Variants in MKRN1 observed in about 807,000 individuals in gnomAD.
MKRN1 encodes the protein makorin ring finger protein 1, also known as E3 ubiquitin-protein ligase makorin-1.
MKRN1 carries 9 observed loss-of-function variants against 55.5 expected under a neutral mutation model. That is an observed-to-expected ratio of 0.16 (90% CI 0.10 to 0.28). The LOEUF (loss-of-function observed/expected upper bound fraction) is 0.28, where lower values mean the gene tolerates loss of function less well. Ranked by LOEUF, MKRN1 falls within the 10% of genes least tolerant of loss-of-function variation. The pLI is 1.00. For missense variants in MKRN1, 488 were observed against 626.7 expected, an observed-to-expected ratio of 0.78 and a Z score of 2.36; for synonymous variants, 253 against 235.9, an observed-to-expected ratio of 1.07 and a Z score of -0.66.
rs1454423697 is a variant in MKRN1 at position 140,462,780 on chromosome 7, C to G, written c.315-2844G>C. ...GAGATCGAGACCATCCTGGCTAACA[C>G]GGTGAAACCCCGTCTCTACTAAAAA... is the stretch of plus-strand genomic sequence containing the variant. On this transcript the variant is annotated intron_variant, in intron 2 of 7. Coordinates refer to ENST00000255977, the MANE Select transcript of MKRN1 (RefSeq NM_013446.4). Among the ~76,000 whole-genome samples, 4 of 151,920 alleles carry G rather than the reference C, an allele frequency of 2.6e-5. No homozygotes were observed. The East Asian group carries it at 7.7e-4, about 29-fold the overall frequency.
chr7:140,471,808 T>C (rs1794934667), intron 2 of MKRN1, 75 bp downstream of exon 2: 1 of 1,553,958 alleles, frequency 6.4e-7, no homozygotes, highest in Non-Finnish European at 8.7e-7. Context: ...CAGTGACATA[T>C]AAAGCTATCA....
intron 5 of MKRN1, chr7:140,456,245 T>C: frequency 8.7e-7 from 1 of 1,150,252 alleles, no homozygotes; most frequent in East Asian, 5.3e-5. Context: ...GATTATGTGG[T>C]TTTTGTTCAG....
At chr7:140,469,866 G>T (rs1296380411) in intron 2 of MKRN1, among the ~76,000 whole-genome samples, 1 of 151,994 alleles carries the variant, frequency 6.6e-6, no homozygotes, top group Non-Finnish European at 1.5e-5. Flanking sequence ...CTTTCAACAA[G>T]GTGAAACCCC....
chr7:140,470,858 A>G (rs1380352325), intron 2 of MKRN1, among the ~76,000 whole-genome samples: 2 of 152,080 alleles, frequency 1.3e-5, no homozygotes, highest in Non-Finnish European at 2.9e-5. Context: ...CAGAGGTTGC[A>G]GTGAGCCGAG....
chr7:140,472,825 GA>G (rs915032228), intron 1 of MKRN1, among the ~76,000 whole-genome samples: 41 of 148,974 alleles, frequency 2.8e-4, no homozygotes, highest in African/African-American at 9.1e-4. Flanking sequence ...ATAACAAAAA[GA>G]AAAAAAAAGG....
intron 4 of MKRN1, among the ~76,000 whole-genome samples, 161 bp downstream of exon 4, chr7:140,458,846 T>C (rs1198698984): frequency 1.3e-5 from 2 of 152,170 alleles, no homozygotes; most frequent in Non-Finnish European, 1.5e-5. Context: ...AAATATGACT[T>C]CTTGATAAAG....
chr7:140,458,478 G>A (rs912230500), intron 4 of MKRN1, among the ~76,000 whole-genome samples: 3 of 152,164 alleles, frequency 2.0e-5, no homozygotes, highest in Admixed American at 6.5e-5. Flanking sequence ...AAGCAGATTC[G>A]TTATTGCCAG....
intron 2 of MKRN1, among the ~76,000 whole-genome samples, chr7:140,461,507 C>G (rs1794614127): frequency 6.6e-6 from 1 of 152,012 alleles, no homozygotes; most frequent in African/African-American, 2.4e-5. Context: ...GTGGCGCACA[C>G]CTGTAATACC....
At chr7:140,462,691 G>A (rs562992317) in intron 2 of MKRN1, among the ~76,000 whole-genome samples, 2 of 152,244 alleles carry the variant, frequency 1.3e-5, no homozygotes, top group African/African-American at 4.8e-5. Flanking sequence ...TAGGCAGGGC[G>A]CAGTGGCTCA....
At chr7:140,476,061 A>G (rs1795107476) in intron 1 of MKRN1, among the ~76,000 whole-genome samples, 1 of 152,224 alleles carries the variant, frequency 6.6e-6, no homozygotes, top group African/African-American at 2.4e-5. Context: ...AATTAAAAAC[A>G]TTCTAATCAA....
intron 1 of MKRN1, chr7:140,478,342 T>C (rs886948780): frequency 1.3e-5 from 2 of 152,058 alleles, no homozygotes; most frequent in Admixed American, 6.5e-5. Context: ...TTAATTTTTC[T>C]AATATTTTCG....
intron 2 of MKRN1, among the ~76,000 whole-genome samples, chr7:140,467,792 C>T (rs894944740): frequency 1.3e-5 from 2 of 151,760 alleles, no homozygotes; most frequent in African/African-American, 4.8e-5. Flanking sequence ...CACCTGAAGC[C>T]AGGAGTTCAA....
In MKRN1 at chr7:140,459,945, A is replaced by AT; in HGVS notation, c.315-10_315-9insA. On this transcript the variant is annotated splice_polypyrimidine_tract_variant and intron_variant, in intron 2 of 7. Coordinates refer to ENST00000255977, the MANE Select transcript of MKRN1 (RefSeq NM_013446.4). ...GTTTGCTATGTTCATATCTAAGAAA[A>AT]AATTCAAAAGTAAGCAGTCGGCCAG... 6.2e-7 allele frequency: 1 copy of AT among 1,610,580 alleles called. No homozygotes were observed. Among genetic ancestry groups the AT allele is most frequent in the Non-Finnish European group, 8.5e-7 (1 of 1,177,132 alleles).
chr7:140,475,208 T>G (rs1370111224), intron 1 of MKRN1: 5 of 439,640 alleles, frequency 1.1e-5, no homozygotes, highest in East Asian at 8.2e-5. Flanking sequence ...CCGAGTGTGA[T>G]GGCACGTGCC....
chr7:140,461,984 G>GA, intron 2 of MKRN1, among the ~76,000 whole-genome samples: 1 of 151,960 alleles, frequency 6.6e-6, no homozygotes, highest in East Asian at 1.9e-4. Flanking sequence ...ACTCCATCTC[G>GA]AAAGAAAAGA....
intron 2 of MKRN1, among the ~76,000 whole-genome samples, chr7:140,463,456 TATACCTGC>T (rs1794678477): frequency 6.6e-6 from 1 of 152,230 alleles, no homozygotes; most frequent in Non-Finnish European, 1.5e-5. Flanking sequence ...TTCCTCTAGC[TATACCTGC>T]AAGTGTTCAA....
At chr7:140,471,453 T>C (rs1248872059) in intron 2 of MKRN1, among the ~76,000 whole-genome samples, 2 of 152,072 alleles carry the variant, frequency 1.3e-5, no homozygotes, top group Non-Finnish European at 1.5e-5. Context: ...ATTTCTGAAC[T>C]AGGAGGATAG....
rs1041273600 is a variant in MKRN1, at chr7:140,454,985, T to G, written c.1236+110A>C. On this transcript the variant is annotated intron_variant, in intron 7 of 7. Coordinates refer to ENST00000255977, the MANE Select transcript of MKRN1 (RefSeq NM_013446.4). ...TGTTTCCTCCTTTAATACTCTACAC[T>G]TTCGCTCCCAGACCTGAGCGTTAAC... 15 of 1,445,694 alleles carry G rather than the reference T, an allele frequency of 1.0e-5. No individual in the cohort carries two copies. The East Asian group carries it at 3.2e-4, about 31-fold the overall frequency. The allele number at this position is 1,445,694 out of a possible 1,614,324, so 89.6% of individuals were successfully genotyped here.
chr7:140,459,793 T>G lies in MKRN1; in HGVS notation c.458A>C (p.Asn153Thr). 2 of 1,613,978 alleles carry G rather than the reference T, an allele frequency of 1.2e-6. No homozygotes were observed. The highest frequency in any genetic ancestry group is 1.7e-6 in the Non-Finnish European group (2 of 1,179,868). ...TGCTCCTACAGTTGCAAAGTTTGAA[T>G]TTCTTGACTCAGCTTCGCCTGTATT... ...EMNTGEAESRNSNFATVGAGS... is the reference protein window; with the variant it reads ...EMNTGEAESRTSNFATVGAGS... Residue 153 changes from asparagine (N) to threonine (T), a missense_variant, in exon 3 of 8, where the codon AAT (asparagine) becomes ACT (threonine). Physicochemically the swap from Asn to Thr is moderately conservative, Grantham distance 65. This residue lies in a region of MKRN1 where 210 missense variants were observed against 220.0 expected (regional missense o/e 0.95). Transcript: ENST00000255977.
Sources: allele counts gnomAD v4.1 joint callset (sites outside exome capture counted in the v4.1 genomes callset), GRCh38; gene constraint gnomAD v4.1.1; regional missense constraint gnomAD v4.1.1; transcripts MANE v1.5; gene names NCBI Gene and HGNC (gene_info 2026-07-23, HGNC 2026-07-21).